The following TASP1 variants were observed in gnomAD, a reference collection of about 807,000 sequenced individuals.
TASP1 encodes threonine aspartase 1.
In TASP1, 16 loss-of-function variants were observed where a neutral mutation model predicts 56.6. The observed-to-expected ratio is 0.28, with a 90% CI of 0.19 to 0.43. TASP1 has a LOEUF of 0.43. Ranked by LOEUF, TASP1 falls within the 20% of genes least tolerant of loss-of-function variation. The pLI, the probability that TASP1 is intolerant of heterozygous loss-of-function variation, is 1.00. For missense variants in TASP1, 393 were observed against 511.6 expected (o/e 0.77, Z 2.24); for synonymous variants, 179 against 184.2 (o/e 0.97, Z 0.23).
intron 2 of TASP1, among the ~76,000 whole-genome samples, chr20:13,629,243 A>G (rs1186530980): frequency 6.6e-6 from 1 of 151,782 alleles, no homozygotes; most frequent in Non-Finnish European, 1.5e-5. Context: ...GGACGTCTGT[A>G]ATCCCAGCTA....
At chr20:13,631,087 T>G (rs1417096764) in intron 1 of TASP1, among the ~76,000 whole-genome samples, 1 of 152,160 alleles carries the variant, frequency 6.6e-6, no homozygotes, top group Non-Finnish European at 1.5e-5. Flanking sequence ...GATTGAAAAT[T>G]TTTGAAAGCT....
At chr20:13,522,353 G>T (rs989203966) in intron 10 of TASP1, among the ~76,000 whole-genome samples, 11 of 152,294 alleles carry the variant, frequency 7.2e-5, no homozygotes, top group Admixed American at 7.2e-4. Context: ...GGCTAGCAAT[G>T]ATCCAGATTA....
chr20:13,629,904 G>T, intron 2 of TASP1, 30 bp downstream of exon 2: 2 of 1,610,248 alleles, frequency 1.2e-6, no homozygotes, highest in Middle Eastern at 1.7e-4. Context: ...CAACATTATT[G>T]GCATCTTCCA....
intron 11 of TASP1, among the ~76,000 whole-genome samples, chr20:13,450,495 T>C (rs895401145): frequency 6.6e-6 from 1 of 152,152 alleles, no homozygotes; most frequent in African/African-American, 2.4e-5. Context: ...AATATCCTAA[T>C]TCTTTGTCCT....
At chr20:13,349,374 C>T in the TASP1 span, among the ~76,000 whole-genome samples, 4 of 152,190 alleles carry the variant, frequency 2.6e-5, no homozygotes, top group Admixed American at 2.6e-4. Flanking sequence ...CATATAAACA[C>T]TTCAGAATAG....
rs541971602 is a variant in TASP1 at position 13,607,933 on chromosome 20, C to T, written c.282+15513G>A. On this transcript the variant is annotated intron_variant, in intron 4 of 13. Transcript: ENST00000337743. ...AGGCTTTAGTGAGCCAAGACTGTAC[C>T]ACTGCGTACTCCAGCTGGGCGACAG... Among the ~76,000 whole-genome samples, 3 of 152,154 alleles carry T rather than the reference C, an allele frequency of 2.0e-5. No homozygotes were observed. In the South Asian group the frequency reaches 6.2e-4, roughly 32 times the overall value.
intron 7 of TASP1, among the ~76,000 whole-genome samples, chr20:13,564,172 A>G (rs1490282846): frequency 6.6e-6 from 1 of 152,170 alleles, no homozygotes; most frequent in Non-Finnish European, 1.5e-5. Context: ...GGAACATCCT[A>G]AAGATCTCCA....
chr20:13,430,604 T>TAAAA (rs1325233960), intron 12 of TASP1, among the ~76,000 whole-genome samples: 1 of 152,244 alleles, frequency 6.6e-6, no homozygotes, highest in African/African-American at 2.4e-5. Context: ...AATGCCTTTT[T>TAAAA]GACCTAGTCT....
chr20:13,157,939 A>C, the TASP1 span, among the ~76,000 whole-genome samples: 1 of 152,242 alleles, frequency 6.6e-6, no homozygotes, highest in Non-Finnish European at 1.5e-5. Context: ...ATTTCCTACT[A>C]TGCAGAATGA....
At chr20:13,131,226 C>T in the TASP1 span, among the ~76,000 whole-genome samples, 1 of 152,192 alleles carries the variant, frequency 6.6e-6, no homozygotes, top group African/African-American at 2.4e-5. Flanking sequence ...AACTCCCAGT[C>T]TTGATCTTAC....
intron 11 of TASP1, among the ~76,000 whole-genome samples, chr20:13,482,990 G>C (rs1379400072): frequency 6.6e-6 from 1 of 152,096 alleles, no homozygotes; most frequent in Non-Finnish European, 1.5e-5. Flanking sequence ...TCTACTATAT[G>C]AGAGCCTTGT....
the TASP1 span, among the ~76,000 whole-genome samples, chr20:13,213,990 G>A: frequency 6.6e-5 from 10 of 152,214 alleles, no homozygotes; most frequent in South Asian, 2.1e-4. Context: ...GTTGAAGACC[G>A]AAGGTGATAA....
chr20:13,332,876 G>C, the TASP1 span, among the ~76,000 whole-genome samples: 3 of 152,296 alleles, frequency 2.0e-5, no homozygotes, highest in Admixed American at 6.5e-5. Flanking sequence ...TGTCAGGGCT[G>C]TTGCTTGATT....
At chr20:13,288,059 C>A in the TASP1 span, among the ~76,000 whole-genome samples, 42 of 152,282 alleles carry the variant, frequency 2.8e-4, 1 homozygote, top group South Asian at 8.5e-3. Context: ...ACAGGTCTAG[C>A]ATGGACATCT....
chr20:13,299,505 C>CGTGTGTGCTCCAGA, the TASP1 span: 3 of 1,547,382 alleles, frequency 1.9e-6, no homozygotes, highest in Non-Finnish European at 1.7e-6. The surrounding 1 kb of genome is among the most constrained non-coding windows in gnomAD (Gnocchi z 5.8). Context: ...TTCTGGAGCA[C>CGTGTGTGCTCCAGA]ACACGTGCTG....
chr20:13,605,281 C>T (rs983170909), intron 4 of TASP1, among the ~76,000 whole-genome samples: 4 of 152,078 alleles, frequency 2.6e-5, no homozygotes, highest in South Asian at 2.1e-4. Context: ...ATATATTTGT[C>T]GAAACCCATC....
chr20:13,407,791 T>C (rs551489147), intron 13 of TASP1, among the ~76,000 whole-genome samples: 1 of 152,210 alleles, frequency 6.6e-6, no homozygotes, highest in Non-Finnish European at 1.5e-5. Flanking sequence ...TGAAGTGGTA[T>C]CTACTTGTGG....
At chr20:13,163,473 A>G in the TASP1 span, among the ~76,000 whole-genome samples, 3,582 of 152,088 alleles carry the variant, frequency 0.024, 67 homozygotes, top group South Asian at 0.033. Context: ...CACTTTGGAT[A>G]CCACTGAACT....
intron 4 of TASP1, among the ~76,000 whole-genome samples, chr20:13,600,279 A>C (rs1012137316): frequency 1.3e-5 from 2 of 152,220 alleles, no homozygotes; most frequent in Admixed American, 6.5e-5. Context: ...TAAAATACTT[A>C]TGTAAATGCA....
Sources: gnomAD v4.1 joint callset for allele counts (sites outside exome capture counted in the v4.1 genomes callset) on GRCh38, gnomAD v4.1.1 for gene constraint, Gnocchi (gnomAD v3.1) non-coding constraint, MANE v1.5 for transcripts, NCBI Gene and HGNC (gene_info 2026-07-23, HGNC 2026-07-21) for gene names.